Variants in TASP1 observed in about 807,000 individuals in gnomAD.
The protein encoded by TASP1 is taspase 1.
Under a neutral mutation model 56.6 loss-of-function variants are expected in TASP1, and 16 were observed. The ratio of observed to expected loss-of-function variants is 0.28; its 90% CI spans 0.19 to 0.43. The LOEUF (loss-of-function observed/expected upper bound fraction) is 0.43. Among genes scored for constraint, TASP1 ranks in the 20% least tolerant of loss-of-function variants. TASP1 has a pLI of 1.00. For missense variants in TASP1, 393 were observed against 511.6 expected (o/e 0.77, Z 2.24); for synonymous variants, 179 against 184.2 (o/e 0.97, Z 0.23).
chr20:13,386,418 T>A (rs1362812727), downstream of TASP1, among the ~76,000 whole-genome samples: 1 of 152,088 alleles, frequency 6.6e-6, no homozygotes, highest in Non-Finnish European at 1.5e-5. Context: ...TTTACATTTT[T>A]AAAATTTTCC....
intron 2 of TASP1, among the ~76,000 whole-genome samples, chr20:13,629,149 C>T (rs1055841759): frequency 6.6e-6 from 1 of 151,960 alleles, no homozygotes; most frequent in South Asian, 2.1e-4. Flanking sequence ...GTGGATCACC[C>T]GAGGTCAGGA....
At chr20:13,600,457 GGTGGCAA>G (rs1357521543) in intron 4 of TASP1, 1 of 152,026 alleles carries the variant, frequency 6.6e-6, no homozygotes, top group Non-Finnish European at 1.5e-5. Context: ...TTTTGCCAAA[GGTGGCAA>G]GGCAATTCAA....
At chr20:13,179,976 T>G in the TASP1 span, among the ~76,000 whole-genome samples, 1 of 152,184 alleles carries the variant, frequency 6.6e-6, no homozygotes, top group African/African-American at 2.4e-5. Context: ...GACACAGCGT[T>G]GGCCATTCTG....
At chr20:13,594,703 C>G (rs1289035124) in intron 4 of TASP1, among the ~76,000 whole-genome samples, 2 of 152,056 alleles carry the variant, frequency 1.3e-5, no homozygotes, top group East Asian at 3.9e-4. Flanking sequence ...ACAAACAAAG[C>G]CTTCAAGAAA....
chr20:13,350,966 GAA>G, the TASP1 span, among the ~76,000 whole-genome samples: 11 of 122,848 alleles, frequency 9.0e-5, no homozygotes, highest in South Asian at 5.4e-4. Context: ...TTCCAAAAGT[GAA>G]AAAAAAAAAA....
the TASP1 span, among the ~76,000 whole-genome samples, chr20:13,204,528 C>CATATATAT: frequency 2.8e-5 from 4 of 145,286 alleles, no homozygotes; most frequent in Non-Finnish European, 4.5e-5. Flanking sequence ...TTTATATATT[C>CATATATAT]ATATATATAT....
chr20:13,253,449 G>A, the TASP1 span, among the ~76,000 whole-genome samples: 2 of 152,182 alleles, frequency 1.3e-5, no homozygotes, highest in South Asian at 2.1e-4. Flanking sequence ...CTTTGAGAGC[G>A]CTGTGTTTCC....
intron 6 of TASP1, among the ~76,000 whole-genome samples, chr20:13,573,958 G>A (rs1194151651): frequency 6.6e-6 from 1 of 152,068 alleles, no homozygotes; most frequent in Non-Finnish European, 1.5e-5. Context: ...ATCCAGAGAG[G>A]CCATGTAGCC....
chr20:13,268,699 G>A, the TASP1 span, among the ~76,000 whole-genome samples: 1 of 152,140 alleles, frequency 6.6e-6, no homozygotes, highest in African/African-American at 2.4e-5. Context: ...TTCAGAGGCG[G>A]TCTCTGAACC....
the TASP1 span, among the ~76,000 whole-genome samples, chr20:13,162,526 G>A: frequency 7.2e-5 from 11 of 152,210 alleles, no homozygotes; most frequent in Middle Eastern, 3.4e-3. Context: ...CTGATGAACA[G>A]CCAGTACATT....
At chr20:13,600,137 A>T (rs2047899814) in intron 4 of TASP1, among the ~76,000 whole-genome samples, 1 of 152,222 alleles carries the variant, frequency 6.6e-6, no homozygotes, top group Admixed American at 6.5e-5. Flanking sequence ...TTTTAAATCC[A>T]ATAAATGGAA....
chr20:13,568,384 A>G (rs1189998268), intron 7 of TASP1, among the ~76,000 whole-genome samples: 1 of 152,188 alleles, frequency 6.6e-6, no homozygotes, highest in East Asian at 1.9e-4. Context: ...TATTTAAATT[A>G]TATTCACAGA....
the TASP1 span, among the ~76,000 whole-genome samples, chr20:13,248,733 G>A: frequency 6.6e-6 from 1 of 152,196 alleles, no homozygotes; most frequent in Non-Finnish European, 1.5e-5. Context: ...GGCATATGAT[G>A]ACTTTTGAGG....
the TASP1 span, among the ~76,000 whole-genome samples, chr20:13,118,882 T>C: frequency 6.6e-6 from 1 of 152,242 alleles, no homozygotes; most frequent in South Asian, 2.1e-4. Flanking sequence ...TGCCATGAAA[T>C]GCACAGATGC....
intron 13 of TASP1, among the ~76,000 whole-genome samples, chr20:13,400,051 C>T (rs1435798393): frequency 6.6e-6 from 1 of 152,178 alleles, no homozygotes; most frequent in African/African-American, 2.4e-5. Context: ...TACCTCCTAA[C>T]CCCTTCCCTA....
chr20:13,538,021 A>C (rs1342751506), intron 8 of TASP1, among the ~76,000 whole-genome samples: 3 of 129,438 alleles, frequency 2.3e-5, no homozygotes, highest in Non-Finnish European at 4.8e-5. Flanking sequence ...TTTTTTTTTG[A>C]GACAGAATTT....
chr20:13,563,208 A>AT (rs1167632876), intron 7 of TASP1, among the ~76,000 whole-genome samples: 1 of 151,796 alleles, frequency 6.6e-6, no homozygotes, highest in Non-Finnish European at 1.5e-5. Flanking sequence ...ACAAAGTCCA[A>AT]TAACACAAAA....
At chr20:13,150,460 T>C in the TASP1 span, among the ~76,000 whole-genome samples, 675 of 152,330 alleles carry the variant, frequency 4.4e-3, 2 homozygotes, top group Middle Eastern at 0.014. Context: ...GAATATGAAC[T>C]AAGAAACCAT....
chr20:13,213,395 C>T, the TASP1 span, among the ~76,000 whole-genome samples: 1 of 152,122 alleles, frequency 6.6e-6, no homozygotes, highest in African/African-American at 2.4e-5. Context: ...GCCTGACTTG[C>T]TCCCCAAAAC....
Sources: gnomAD v4.1 joint callset for allele counts (sites outside exome capture counted in the v4.1 genomes callset) on GRCh38, gnomAD v4.1.1 for gene constraint, MANE v1.5 for transcripts, NCBI Gene and HGNC (gene_info 2026-07-23, HGNC 2026-07-21) for gene names.